SYK: variants seen among roughly 807,000 people sequenced by gnomAD.
SYK encodes the protein tyrosine-protein kinase SYK.
A neutral mutation model predicts 77.8 loss-of-function variants in SYK; 16 were observed. That is an observed-to-expected ratio of 0.21 (90% CI 0.14 to 0.31). SYK has a LOEUF of 0.31. SYK is among the 10% of genes least tolerant of loss of function. The pLI is 1.00. For synonymous variants in SYK, 312 were observed against 308.7 expected, an observed-to-expected ratio of 1.01 and a Z score of -0.11; for missense variants, 529 against 814.4, an observed-to-expected ratio of 0.65 and a Z score of 4.26.
intron 1 of SYK, among the ~76,000 whole-genome samples, chr9:90,843,199 T>C (rs73503997): frequency 6.6e-6 from 1 of 152,144 alleles, no homozygotes; most frequent in Non-Finnish European, 1.5e-5. Flanking sequence ...TCACTCTTCA[T>C]GTCTCAGGCA....
At chr9:90,892,827 G>A (rs1016227471) in intron 13 of SYK, among the ~76,000 whole-genome samples, 1 of 152,220 alleles carries the variant, frequency 6.6e-6, no homozygotes, top group Admixed American at 6.5e-5. Flanking sequence ...GAAATTTCCT[G>A]GGCTCTCCAG....
intron 7 of SYK, among the ~76,000 whole-genome samples, chr9:90,870,411 T>C (rs1007388723): frequency 1.3e-5 from 2 of 152,238 alleles, no homozygotes; most frequent in African/African-American, 4.8e-5. Flanking sequence ...AAACCCATTT[T>C]TCATGTTTTA....
chr9:90,891,962 A>G (rs1828809777), intron 13 of SYK, among the ~76,000 whole-genome samples: 1 of 152,180 alleles, frequency 6.6e-6, no homozygotes, highest in Non-Finnish European at 1.5e-5. Context: ...TCACCCTTGT[A>G]AGACAGCCAG....
At chr9:90,889,728 C>T (rs1010867774) in intron 13 of SYK, among the ~76,000 whole-genome samples, 3 of 152,242 alleles carry the variant, frequency 2.0e-5, no homozygotes, top group Non-Finnish European at 4.4e-5. Flanking sequence ...AGCATCTTCT[C>T]CAACCCCAAG....
intron 3 of SYK, among the ~76,000 whole-genome samples, chr9:90,857,951 T>G (rs1022881573): frequency 2.0e-5 from 3 of 146,444 alleles, no homozygotes; most frequent in Admixed American, 6.8e-5. Flanking sequence ...GGAAAAAAAA[T>G]GGCAGGGGAG....
intron 1 of SYK, among the ~76,000 whole-genome samples, chr9:90,839,807 G>A (rs1826226913): frequency 6.6e-6 from 1 of 152,120 alleles, no homozygotes; most frequent in Admixed American, 6.5e-5. Flanking sequence ...GGGTATTTGA[G>A]CTGGGTCTGT....
At chr9:90,807,686 G>A (rs1824892069) in intron 1 of SYK, among the ~76,000 whole-genome samples, 1 of 152,184 alleles carries the variant, frequency 6.6e-6, no homozygotes, top group African/African-American at 2.4e-5. Flanking sequence ...CCTCCAAGAT[G>A]GGAGAACTTT....
intron 11 of SYK, among the ~76,000 whole-genome samples, chr9:90,886,600 G>A (rs1025706755): frequency 1.3e-5 from 2 of 152,154 alleles, no homozygotes; most frequent in Non-Finnish European, 2.9e-5. Context: ...AGCTACCTGG[G>A]AGGCTGAGGC....
At chr9:90,888,655 A>AT in intron 13 of SYK, 28 bp downstream of exon 13, 1 of 1,485,206 alleles carries the variant, frequency 6.7e-7, no homozygotes, top group Non-Finnish European at 9.1e-7. Flanking sequence ...ACTGTGATGT[A>AT]TTCAGATGCT....
intron 3 of SYK, among the ~76,000 whole-genome samples, chr9:90,861,454 G>A (rs949227634): frequency 3.3e-5 from 5 of 152,226 alleles, no homozygotes; most frequent in African/African-American, 7.2e-5. Flanking sequence ...GGTGTTACCC[G>A]ACAATATCAT....
intron 1 of SYK, among the ~76,000 whole-genome samples, chr9:90,814,296 C>G (rs1186313061): frequency 6.6e-6 from 1 of 152,190 alleles, no homozygotes; most frequent in African/African-American, 2.4e-5. Context: ...TCATGTTGGT[C>G]TCTGTCATCC....
intron 6 of SYK, among the ~76,000 whole-genome samples, chr9:90,866,174 C>G (rs1195572513): frequency 6.6e-6 from 1 of 152,236 alleles, no homozygotes; most frequent in Non-Finnish European, 1.5e-5. Context: ...GCTGGGATTA[C>G]AGGCGTGAGC....
chr9:90,862,499 C>A (rs1827313864), intron 4 of SYK, among the ~76,000 whole-genome samples, 155 bp downstream of exon 4: 1 of 152,154 alleles, frequency 6.6e-6, no homozygotes, highest in African/African-American at 2.4e-5. Context: ...GAGAAACACA[C>A]ACCTGGACCA....
rs10217275 is a variant in SYK at position 90,897,671 on chromosome 9, G to C, written c.*2071G>C. The C allele has an allele frequency of 0.14, 31,753 of 224,492 alleles. 2,471 individuals carry two copies. The highest frequency in any genetic ancestry group is 0.23 in the Middle Eastern group (167 of 738). 13.9% of individuals were successfully genotyped at this position (224,492 alleles called of 1,614,324 possible). On this transcript the variant is annotated 3_prime_UTR_variant, in exon 14 of 14. Transcript: ENST00000375754. ...TTTATCAGCACTTCTCCCCTCCCAG[G>C]AGCCTGGGGATGCCAAACATCCAGA...
intron 3 of SYK, 134 bp downstream of exon 3, chr9:90,845,728 G>A (rs1175727831): frequency 3.9e-6 from 4 of 1,025,766 alleles, no homozygotes; most frequent in African/African-American, 1.6e-5. Flanking sequence ...CAACATGCAT[G>A]CTGGCCTGTT....
At chr9:90,807,924 A>C (rs1824905704) in intron 1 of SYK, among the ~76,000 whole-genome samples, 1 of 152,072 alleles carries the variant, frequency 6.6e-6, no homozygotes, top group African/African-American at 2.4e-5. Flanking sequence ...CAGAAGATAT[A>C]ATGGTGGGCT....
chr9:90,876,723 C>A (rs1409692523), intron 9 of SYK, among the ~76,000 whole-genome samples: 1 of 152,190 alleles, frequency 6.6e-6, no homozygotes, highest in African/African-American at 2.4e-5. Context: ...CTTTACAATA[C>A]TGAGTCTTTC....
At position 90,895,444 on chromosome 9, in the gene SYK, TACTCA is replaced by T; in HGVS notation, c.1836-83_1836-79del. The T allele has an allele frequency of 7.0e-7, 1 of 1,423,544 alleles. No individual in the cohort carries two copies. The highest frequency in any genetic ancestry group is 9.8e-7 in the Non-Finnish European group (1 of 1,015,876). 88.2% of individuals were successfully genotyped at this position (1,423,544 alleles called of 1,614,324 possible). On this transcript the variant is annotated intron_variant, in intron 13 of 13. Transcript: ENST00000375754. The surrounding 1 kb of genome is among the most constrained non-coding windows in gnomAD (Gnocchi z 4.4). ...AGCCACCAGGGAGCAGCACCACTGG[TACTCA>T]GCCTGCAGAGGCCCTGCTTGTGATC...
At chr9:90,894,269 C>A (rs542836423) in intron 13 of SYK, among the ~76,000 whole-genome samples, 2 of 152,270 alleles carry the variant, frequency 1.3e-5, no homozygotes, top group East Asian at 3.9e-4. Context: ...GCTCCTGTAC[C>A]AGAGGCTTGG....
Sources: gnomAD v4.1 joint callset for allele counts (sites outside exome capture counted in the v4.1 genomes callset) on GRCh38, gnomAD v4.1.1 for gene constraint, Gnocchi (gnomAD v3.1) non-coding constraint, MANE v1.5 for transcripts, NCBI Gene and HGNC (gene_info 2026-07-23, HGNC 2026-07-21) for gene names.